The following SLC22A25 variants were observed in gnomAD, a reference collection of about 807,000 sequenced individuals.
The protein encoded by SLC22A25 is MGI:2442751, MGI:2385316, MGI:3042283, MGI:3645714, MGI:3605624, MGI:2442750.
SLC22A25 carries 44 observed loss-of-function variants against 45.9 expected under a neutral mutation model. The ratio of observed to expected loss-of-function variants is 0.96; its 90% CI spans 0.75 to 1.23. The LOEUF (loss-of-function observed/expected upper bound fraction) is 1.23. SLC22A25 is among the 50% of genes most tolerant of loss of function. SLC22A25 has a pLI of 0.00. For missense variants in SLC22A25, 800 were observed against 666.4 expected (o/e 1.20, Z -2.21); for synonymous variants, 283 against 238.6 (o/e 1.19, Z -1.72).
chr11:63,190,082 A>G (rs1293621356), intron 7 of SLC22A25, among the ~76,000 whole-genome samples: 1 of 152,068 alleles, frequency 6.6e-6, no homozygotes, highest in Non-Finnish European at 1.5e-5. Flanking sequence ...CTGAATTTGA[A>G]TGTTGGCCTG....
At chr11:63,227,793 A>G (rs1032082118) in intron 5 of SLC22A25, among the ~76,000 whole-genome samples, 2 of 152,224 alleles carry the variant, frequency 1.3e-5, no homozygotes, top group African/African-American at 4.8e-5. Flanking sequence ...TTAGCCTGTG[A>G]TGGCAAGGCT....
intron 7 of SLC22A25, among the ~76,000 whole-genome samples, chr11:63,205,843 CACA>C (rs1253562746): frequency 2.0e-5 from 3 of 152,054 alleles, no homozygotes; most frequent in Non-Finnish European, 4.4e-5. Flanking sequence ...CCGTTGGAAA[CACA>C]ACAAAAAAAT....
At chr11:63,177,351 AGTGTGTGTGT>A (rs58040188) in intron 9 of SLC22A25, among the ~76,000 whole-genome samples, 268 of 149,752 alleles carry the variant, frequency 1.8e-3, no homozygotes, top group Non-Finnish European at 2.3e-3. Flanking sequence ...TCATCATTTG[AGTGTGTGTGT>A]GTGTGTGTGT....
chr11:63,193,043 G>A (rs923233837), intron 7 of SLC22A25, among the ~76,000 whole-genome samples: 2 of 152,132 alleles, frequency 1.3e-5, no homozygotes, highest in Non-Finnish European at 2.9e-5. Context: ...TCTTCTCATT[G>A]CCACATGTCA....
rs796670357 is a variant in SLC22A25, at chr11:63,217,949, C to T, written c.507-214G>A. The stretch of plus-strand genomic sequence containing the variant: ...TACTGAGTGTATAAAAGTTTCTTCT[C>T]CAATCTGTTGCCAGTAGATCATTGA... On this transcript the variant is annotated intron_variant, in intron 5 of 11. Coordinates refer to ENST00000306494, the MANE Select transcript of SLC22A25 (RefSeq NM_199352.6). 4 of 656,602 alleles carry T rather than the reference C, an allele frequency of 6.1e-6. No homozygotes were observed. In the Admixed American group the frequency reaches 9.6e-5, roughly 16 times the overall value. The allele number at this position is 656,602 out of a possible 1,614,324, so 40.7% of individuals were successfully genotyped here.
At chr11:63,237,415 A>G (rs559417345) in intron 3 of SLC22A25, among the ~76,000 whole-genome samples, 15 of 152,190 alleles carry the variant, frequency 9.9e-5, no homozygotes, top group Non-Finnish European at 1.8e-4. Flanking sequence ...TGATAGGATG[A>G]AATCCAGCCC....
At chr11:63,209,393 G>A (rs781108389) in intron 7 of SLC22A25, among the ~76,000 whole-genome samples, 3 of 152,082 alleles carry the variant, frequency 2.0e-5, no homozygotes, top group Non-Finnish European at 4.4e-5. Context: ...GAGAATGTCG[G>A]CCCCCATATG....
chr11:63,235,923 G>A (rs1379557830), intron 3 of SLC22A25, among the ~76,000 whole-genome samples: 2 of 152,226 alleles, frequency 1.3e-5, no homozygotes, highest in African/African-American at 2.4e-5. Context: ...GAGCCTGTTT[G>A]CCTGGGTATC....
Position 63,166,180 on chromosome 11 carries a change from A to T in SLC22A25, c.1149T>A (p.Thr383=). 6.2e-7 allele frequency: 1 copy of T among 1,614,044 alleles called. No individual in the cohort carries two copies. Among genetic ancestry groups the T allele is most frequent in the South Asian group, 1.1e-5 (1 of 91,074 alleles). The part of the protein sequence containing the change: ...HLGNNVFLLQ[T]LFGAVTLLAN... Reference sequence around the variant, plus strand: ...CCAGGAGGGTGACTGCACCAAAGAGAGTCTGCAACAGGAAAACATTGTTTC... The same window carrying T: ...CCAGGAGGGTGACTGCACCAAAGAGTGTCTGCAACAGGAAAACATTGTTTC... The change falls in exon 10 of 12, where the codon ACT becomes ACA. Residue 383 remains threonine (T), a synonymous_variant. Transcript: ENST00000306494.
chr11:63,158,524 T>C lies in SLC22A25; in HGVS notation c.*5300A>G, dbSNP rs1050674617. On this transcript the variant is annotated 3_prime_UTR_variant, in exon 12 of 12. Transcript: ENST00000306494. ...GGTGTATGAGATGTTCTGATATAGG[T>C]ATGCAATGTGTAATTATCTTGTCAT... Among the ~76,000 whole-genome samples the C allele has an allele frequency of 1.7e-4, 26 of 152,190 alleles. No homozygotes were observed. The highest frequency in any genetic ancestry group is 6.3e-4 in the African/African-American group (26 of 41,444).
At chr11:63,197,184 G>A (rs946763807) in intron 7 of SLC22A25, among the ~76,000 whole-genome samples, 3 of 152,088 alleles carry the variant, frequency 2.0e-5, no homozygotes, top group African/African-American at 7.2e-5. Context: ...TACTGCCCAA[G>A]GTAATTTATA....
At chr11:63,174,163 G>A (rs1019866955) in intron 9 of SLC22A25, among the ~76,000 whole-genome samples, 4 of 152,094 alleles carry the variant, frequency 2.6e-5, no homozygotes, top group Non-Finnish European at 5.9e-5. Flanking sequence ...TTGGTTTTCT[G>A]ATCTTGTGAG....
At position 63,161,249 on chromosome 11, in the gene SLC22A25, T is replaced by A. The variant is rs1218689815; in HGVS notation, c.*2575A>T. On this transcript the variant is annotated 3_prime_UTR_variant, in exon 12 of 12. Transcript: ENST00000306494. ...TTGTATCTAGGAAGTAACCAATTTC[T>A]TTTGATTTTGCAAGGTCATAGGTGG... Among the ~76,000 whole-genome samples, 3 of 152,232 alleles carry A rather than the reference T, an allele frequency of 2.0e-5. No individual in the cohort carries two copies. The highest frequency in any genetic ancestry group is 4.4e-5 in the Non-Finnish European group (3 of 68,046).
chr11:63,228,013 G>C (rs1285376409), intron 5 of SLC22A25, among the ~76,000 whole-genome samples: 1 of 152,234 alleles, frequency 6.6e-6, no homozygotes, highest in Non-Finnish European at 1.5e-5. Context: ...GATGGAGATG[G>C]AGTGTTGTCA....
intron 7 of SLC22A25, among the ~76,000 whole-genome samples, chr11:63,202,399 C>T (rs1258475873): frequency 6.6e-6 from 1 of 152,212 alleles, no homozygotes; most frequent in Non-Finnish European, 1.5e-5. Flanking sequence ...CTAAGATCCA[C>T]TGGCTTGAAA....
intron 3 of SLC22A25, among the ~76,000 whole-genome samples, chr11:63,237,393 A>G (rs1944091): frequency 0.35 from 52,606 of 151,966 alleles, 9,447 homozygotes; most frequent in East Asian, 0.56. Context: ...TTATTGCAGG[A>G]GGGGATCCTG....
In SLC22A25 at chr11:63,217,387, A is replaced by G. The variant is rs2089740346; in HGVS notation, c.757T>C (p.Phe253Leu). The change falls in exon 7 of 12, where the codon TTT becomes CTT. Residue 253 changes from phenylalanine to leucine, a missense_variant. By Grantham distance (22) the Phe-to-Leu change is conservative (BLOSUM62 0). Transcript: ENST00000306494. ...AGGATGCACTGGTCTCGAATGACAA[A>G]AGCCAGGCTTCCCAGGGTTATATGT... ...IGHITLGSLA[F>L]VIRDQCILQL... 1.9e-6 allele frequency: 3 copies of G among 1,613,890 alleles called. No homozygotes were observed. Among genetic ancestry groups the G allele is most frequent in the African/African-American group, 1.3e-5 (1 of 74,924 alleles).
chr11:63,232,139 C>T (rs573358236), intron 3 of SLC22A25, among the ~76,000 whole-genome samples: 1 of 152,038 alleles, frequency 6.6e-6, no homozygotes, highest in Non-Finnish European at 1.5e-5. Flanking sequence ...TCCATATGAA[C>T]TTTAAAGTAG....
intron 7 of SLC22A25, among the ~76,000 whole-genome samples, chr11:63,193,330 C>A (rs1467761289): frequency 6.6e-6 from 1 of 152,212 alleles, no homozygotes; most frequent in Non-Finnish European, 1.5e-5. Flanking sequence ...AGACAGTCTG[C>A]CTCCTAAAGT....
Sources: allele counts gnomAD v4.1 joint callset (sites outside exome capture counted in the v4.1 genomes callset), GRCh38; gene constraint gnomAD v4.1.1; transcripts MANE v1.5; gene names NCBI Gene and HGNC (gene_info 2026-07-23, HGNC 2026-07-21).